The following PTCH2 variants were observed in gnomAD, a reference collection of about 807,000 sequenced individuals.
PTCH2 encodes the protein patched 2.
Under a neutral mutation model 117.9 loss-of-function variants are expected in PTCH2, and 96 were observed. The observed-to-expected ratio is 0.81, with a 90% confidence interval of 0.69 to 0.96. PTCH2 has a LOEUF of 0.96. Ranked by LOEUF, PTCH2 falls within the 50% of genes least tolerant of loss-of-function variation. PTCH2 has a pLI of 0.00. For missense variants in PTCH2, 1,379 were observed against 1,562.5 expected (o/e 0.88, Z 1.98); for synonymous variants, 615 against 660.9 (o/e 0.93, Z 1.06).
chr1:44,822,614 C>T lies in PTCH2; in HGVS notation c.3413G>A (p.Gly1138Glu), dbSNP rs772769161. 4 of 1,613,948 alleles carry T rather than the reference C, an allele frequency of 2.5e-6. No individual in the cohort carries two copies. In the African/African-American group the frequency reaches 4.0e-5, roughly 16 times the overall value. Residue 1138 changes from glycine to glutamate, a missense_variant, in exon 22 of 22, where the codon GGA (glycine) becomes GAA (glutamate). By Grantham distance (98) the Gly-to-Glu change is moderately conservative (BLOSUM62 -2). Transcript: ENST00000372192. ...PEILSPPAPQ[G>E]GGLRWGASSS... ...GGATGCCCCCCACCTAAGCCCGCCTCCCTGTGGAGCTGGTGGACTCAGGAT... is the reference window on the plus strand; with the variant it reads ...GGATGCCCCCCACCTAAGCCCGCCTTCCTGTGGAGCTGGTGGACTCAGGAT...
At chr1:44,822,883 G>C (rs534879595) in intron 21 of PTCH2, among the ~76,000 whole-genome samples, 186 bp downstream of exon 21, 2 of 152,300 alleles carry the variant, frequency 1.3e-5, no homozygotes, top group East Asian at 3.9e-4. Flanking sequence ...GTCCCATGAA[G>C]AAGCCAGGAG....
At chr1:44,836,670 A>G (rs919318245) in intron 2 of PTCH2, among the ~76,000 whole-genome samples, 1 of 151,812 alleles carries the variant, frequency 6.6e-6, no homozygotes, top group Non-Finnish European at 1.5e-5. Context: ...AATCCACTGC[A>G]CTCCAGCCTG....
At chr1:44,836,327 C>T (rs957743386) in intron 2 of PTCH2, among the ~76,000 whole-genome samples, 1 of 152,132 alleles carries the variant, frequency 6.6e-6, no homozygotes, top group Non-Finnish European at 1.5e-5. Flanking sequence ...AAAAGAGATG[C>T]AAGATCAGGC....
chr1:44,826,487 C>T lies in PTCH2; in HGVS notation c.2976+1G>A, dbSNP rs763706563. The T allele has an allele frequency of 3.1e-6, 5 of 1,613,846 alleles. No individual in the cohort carries two copies. The highest frequency in any genetic ancestry group is 3.3e-5 in the Admixed American group (2 of 60,024). On this transcript the variant is annotated splice_donor_variant, in intron 18 of 21. Coordinates refer to ENST00000372192, the MANE Select transcript of PTCH2 (RefSeq NM_003738.5). LOFTEE classifies it high-confidence loss of function. This position sits in a 1 kb window ranked among gnomAD's most constrained non-coding sequence, Gnocchi z 5.1. ...CTGTCCCCACTCCTGCAAGCACTCACTATGAGGCCAGCCGTCCAGGGGTTG... is the reference window on the plus strand; with the variant it reads ...CTGTCCCCACTCCTGCAAGCACTCATTATGAGGCCAGCCGTCCAGGGGTTG...
Position 44,827,612 on chromosome 1 carries a change from T to C in PTCH2, c.2161A>G (p.Thr721Ala). ...LALTDVVPRG[T>A]KEHAFLSAQL... ...GCGCTCAGGAAGGCATGCTCCTTGG[T>C]GCCCCGAGGCACCACATCCGTCAGG... Residue 721 changes from threonine (T) to alanine (A), a missense_variant, in exon 15 of 22, where the codon ACC becomes GCC. By Grantham distance (58) the Thr-to-Ala change is moderately conservative (BLOSUM62 0). Coordinates refer to ENST00000372192, the MANE Select transcript of PTCH2 (RefSeq NM_003738.5). 6.2e-7 allele frequency: 1 copy of C among 1,613,850 alleles called. No individual in the cohort carries two copies. The highest frequency in any genetic ancestry group is 2.2e-5 in the East Asian group (1 of 44,866).
In PTCH2 at chr1:44,831,788, T is replaced by C; in HGVS notation, c.535A>G (p.Lys179Glu). ...GTGAGGATCACGCACGGAAACAGCT[T>C]CTCAATCATCTGCCAGGGATACCCC... ...ENGMIERMIE[K>E]LFPCVILTPL... Residue 179 changes from lysine (K) to glutamate (E), a missense_variant, in exon 5 of 22, where the codon AAG becomes GAG. Coordinates refer to ENST00000372192, the MANE Select transcript of PTCH2 (RefSeq NM_003738.5). This position sits in a 1 kb window ranked among gnomAD's most constrained non-coding sequence, Gnocchi z 4.3. The C allele has an allele frequency of 1.9e-6, 3 of 1,605,916 alleles. No individual in the cohort carries two copies. The highest frequency in any genetic ancestry group is 2.6e-6 in the Non-Finnish European group (3 of 1,176,162).
Position 44,831,913 on chromosome 1 carries a change from GTC to G in PTCH2, c.525+60_525+61del, listed in dbSNP as rs1653468477. ...GATTGCAGGCTGTGGGGCTTGCTCG[GTC>G]TCTGAGTCCTCCCACGCTACAGAAA... On this transcript the variant is annotated intron_variant, in intron 4 of 21. Transcript: ENST00000372192. This position sits in a 1 kb window ranked among gnomAD's most constrained non-coding sequence, Gnocchi z 4.3. The G allele has an allele frequency of 1.9e-6, 3 of 1,573,320 alleles. No homozygotes were observed. The highest frequency in any genetic ancestry group is 1.4e-5 in the African/African-American group (1 of 73,918).
Position 44,828,602 on chromosome 1 carries a change from C to A in PTCH2, c.1494G>T (p.Thr498=). 6.2e-7 allele frequency: 1 copy of A among 1,613,472 alleles called. No homozygotes were observed. Among genetic ancestry groups the A allele is most frequent in the East Asian group, 2.2e-5 (1 of 44,858 alleles). ...QERMGECLQR[T]GTSVVLTSIN... is the part of the protein sequence containing the mutation. ...TGGATGTGAGTACGACACTGGTGCCCGTGCGCTGCAGACACTCGCCCATGC... is the reference window on the plus strand; with the variant it reads ...TGGATGTGAGTACGACACTGGTGCCAGTGCGCTGCAGACACTCGCCCATGC... Residue 498 remains threonine (T), a synonymous_variant, in exon 12 of 22, where the codon ACG becomes ACT. Coordinates refer to ENST00000372192, the MANE Select transcript of PTCH2 (RefSeq NM_003738.5).
Position 44,822,322 on chromosome 1 carries a change from C to T in PTCH2, c.*93G>A. 6.2e-7 allele frequency: 1 copy of T among 1,602,478 alleles called. No individual in the cohort carries two copies. Among genetic ancestry groups the T allele is most frequent in the South Asian group, 1.1e-5 (1 of 90,824 alleles). On this transcript the variant is annotated 3_prime_UTR_variant, in exon 22 of 22. Coordinates refer to ENST00000372192, the MANE Select transcript of PTCH2 (RefSeq NM_003738.5). ...GAGGGGATGCAGCAGCAGCAGGGCCCTCCAGGGGTCCATCCTGCGTCTAAC... is the reference window on the plus strand; with the variant it reads ...GAGGGGATGCAGCAGCAGCAGGGCCTTCCAGGGGTCCATCCTGCGTCTAAC...
At chr1:44,821,823 G>A (rs774374345), downstream of PTCH2, 16 of 1,362,696 alleles carry the variant, frequency 1.2e-5, no homozygotes, top group East Asian at 7.3e-4. Flanking sequence ...TTTCCACCCA[G>A]AACTAGAGAA....
At position 44,826,703 on chromosome 1, in the gene PTCH2, C is replaced by T. The variant is rs1653163846; in HGVS notation, c.2761G>A (p.Ala921Thr). Residue 921 changes from alanine to threonine, a missense_variant, in exon 18 of 22, where the codon GCA (alanine) becomes ACA (threonine). Transcript: ENST00000372192. This position sits in a 1 kb window ranked among gnomAD's most constrained non-coding sequence, Gnocchi z 5.1. ...CCCTCGATGGCCTCCACAAAGTCTG[C>T]AGTCTTCTGGAGGCCACGCAGCAGG... Reference protein sequence around the residue: ...PFLLRGLQKTADFVEAIEGAR... With the variant: ...PFLLRGLQKTTDFVEAIEGAR... 1 of 1,603,070 alleles carries T rather than the reference C, an allele frequency of 6.2e-7. No individual in the cohort carries two copies. The highest frequency in any genetic ancestry group is 8.5e-7 in the Non-Finnish European group (1 of 1,173,520).
chr1:44,830,751 A>G, intron 6 of PTCH2, 97 bp downstream of exon 6: 1 of 1,257,508 alleles, frequency 8.0e-7, no homozygotes, highest in Non-Finnish European at 1.1e-6. Flanking sequence ...GTGGGGGGTC[A>G]GGGCACAGAG....
Position 44,831,275 on chromosome 1 carries a change from T to C in PTCH2, c.618-232A>G, listed in dbSNP as rs1653435352. 6.6e-6 allele frequency among the ~76,000 whole-genome samples: 1 copy of C among 152,206 alleles called. No individual in the cohort carries two copies. Among genetic ancestry groups the C allele is most frequent in the African/African-American group, 2.4e-5 (1 of 41,446 alleles). ...GCTGAGACGAATATCAGGGCAGGGTTACCTAATACATAGAAAGGGCCCAGA... is the reference window on the plus strand; with the variant it reads ...GCTGAGACGAATATCAGGGCAGGGTCACCTAATACATAGAAAGGGCCCAGA... On this transcript the variant is annotated intron_variant, in intron 5 of 21. Coordinates refer to ENST00000372192, the MANE Select transcript of PTCH2 (RefSeq NM_003738.5). This position sits in a 1 kb window ranked among gnomAD's most constrained non-coding sequence, Gnocchi z 4.3.
intron 1 of PTCH2, 76 bp from the exon 2 acceptor site, chr1:44,842,115 T>A (rs907200923): frequency 7.2e-7 from 1 of 1,388,440 alleles, no homozygotes; most frequent in Non-Finnish European, 1.0e-6. Context: ...ACCCTGTATA[T>A]CTGCTGCCCA....
chr1:44,829,733 G>A lies in PTCH2; in HGVS notation c.964C>T (p.Leu322=), dbSNP rs941157870. 1.9e-6 allele frequency: 3 copies of A among 1,614,244 alleles called. No homozygotes were observed. The highest frequency in any genetic ancestry group is 2.5e-6 in the Non-Finnish European group (3 of 1,180,042). Residue 322 remains leucine (L), a synonymous_variant, in exon 8 of 22, where the codon CTG becomes TTG. Transcript: ENST00000372192. ...RAEALQSTFL[L]MSPRQLYEHF... ...TCGTACAGCTGGCGGGGACTCATCA[G>A]CAAGAAGGTGCTCTGCAGGGCCTCT... is the stretch of plus-strand genomic sequence containing the variant.
downstream of PTCH2, chr1:44,820,701 G>C (rs1414262784): frequency 2.8e-6 from 2 of 718,298 alleles, no homozygotes; most frequent in Admixed American, 2.0e-5. Flanking sequence ...AGATCTCCTC[G>C]GGCCTGGAAA....
At chr1:44,822,723 C>G in intron 21 of PTCH2, 54 bp from the exon 22 acceptor site, 1 of 1,557,262 alleles carries the variant, frequency 6.4e-7, no homozygotes, top group Non-Finnish European at 8.9e-7. Context: ...GCTCCCGTCC[C>G]CTTTAGCATC....
Position 44,831,953 on chromosome 1 carries a change from T to C in PTCH2, c.525+22A>G. 1.2e-6 allele frequency: 2 copies of C among 1,600,184 alleles called. No individual in the cohort carries two copies. Among genetic ancestry groups the C allele is most frequent in the Non-Finnish European group, 1.7e-6 (2 of 1,167,358 alleles). ...CACGCTACAGAAAAAGTTCTGCCTC[T>C]ACTCCCTCTCAGGACACTTACCCGC... is the stretch of plus-strand genomic sequence containing the variant. On this transcript the variant is annotated intron_variant, in intron 4 of 21. Transcript: ENST00000372192. This position sits in a 1 kb window ranked among gnomAD's most constrained non-coding sequence, Gnocchi z 4.3.
At chr1:44,839,216 T>C (rs886165612) in intron 2 of PTCH2, among the ~76,000 whole-genome samples, 5 of 151,596 alleles carry the variant, frequency 3.3e-5, no homozygotes, top group African/African-American at 1.2e-4. Context: ...CTACTAAAAA[T>C]ACAAAAAAAT....
Sources: allele counts gnomAD v4.1 joint callset (sites outside exome capture counted in the v4.1 genomes callset), GRCh38; gene constraint gnomAD v4.1.1; non-coding constraint Gnocchi (gnomAD v3.1); transcripts MANE v1.5; gene names NCBI Gene and HGNC (gene_info 2026-07-23, HGNC 2026-07-21).